The following KHK variants were observed in gnomAD, a reference collection of about 807,000 sequenced individuals.
The protein encoded by KHK is fructokinase.
In KHK, 37 loss-of-function variants were observed where a neutral mutation model predicts 36.0. The observed-to-expected ratio is 1.03, with a 90% CI of 0.79 to 1.35. KHK has a LOEUF of 1.35. KHK is among the 40% of genes most tolerant of loss of function. The pLI, the probability that KHK is intolerant of heterozygous loss-of-function variation, is 0.00. For missense variants in KHK, 395 were observed against 391.9 expected (o/e 1.01, Z -0.07); for synonymous variants, 161 against 162.8 (o/e 0.99, Z 0.08).
At chr2:27,092,626 C>T (rs1035102697) in intron 2 of KHK, among the ~76,000 whole-genome samples, 178 bp downstream of exon 2, 6 of 152,218 alleles carry the variant, frequency 3.9e-5, no homozygotes, top group South Asian at 2.1e-4. Flanking sequence ...GGCCTCTCTG[C>T]GGTTCGGGGG....
chr2:27,088,711 A>G (rs926088453), intron 1 of KHK, among the ~76,000 whole-genome samples: 5 of 152,110 alleles, frequency 3.3e-5, no homozygotes, highest in Admixed American at 2.0e-4. Context: ...GGCATGAGCC[A>G]CCACACCCGG....
At chr2:27,094,691 G>C (rs1046612039) in intron 2 of KHK, 109 bp from the exon 3 acceptor site, 73 of 1,613,190 alleles carry the variant, frequency 4.5e-5, no homozygotes, top group Non-Finnish European at 5.8e-5. Flanking sequence ...TTCTCTTAGA[G>C]GCTCGTGTGC....
At chr2:27,092,273 G>A in intron 1 of KHK, 59 bp from the exon 2 acceptor site, 1 of 1,298,046 alleles carries the variant, frequency 7.7e-7, no homozygotes, top group Non-Finnish European at 1.1e-6. Flanking sequence ...CCCCTATACA[G>A]GAGACTGTGC....
intron 1 of KHK, among the ~76,000 whole-genome samples, chr2:27,090,132 G>A (rs1294196464): frequency 1.3e-5 from 2 of 152,266 alleles, no homozygotes; most frequent in Non-Finnish European, 2.9e-5. Context: ...GATTACAGGC[G>A]TGAGCCACCG....
In KHK at chr2:27,099,416, G is replaced by T. The variant is rs374116984; in HGVS notation, c.654-4G>T. The T allele has an allele frequency of 1.3e-5, 21 of 1,613,692 alleles. No individual in the cohort carries two copies. The highest frequency in any genetic ancestry group is 1.6e-5 in the Non-Finnish European group (19 of 1,179,688). The stretch of plus-strand genomic sequence containing the variant: ...ACACCCAGCTGAGTGGAGCCGTCTT[G>T]CAGGGCTGTGCTTGTCTGTGCCTGG... On this transcript the variant is annotated splice_region_variant and splice_polypyrimidine_tract_variant and intron_variant, in intron 6 of 7. Transcript: ENST00000260598.
intron 4 of KHK, 152 bp downstream of exon 4, chr2:27,096,953 G>T: frequency 2.8e-6 from 2 of 702,906 alleles, no homozygotes; most frequent in South Asian, 1.5e-5. Flanking sequence ...ATGTCTTCAG[G>T]TGAGAAAACT....
rs77205818 is a variant in KHK at position 27,088,774 on chromosome 2, T to C, written c.92+1423T>C. Among the ~76,000 whole-genome samples the C allele has an allele frequency of 8.6e-4, 131 of 152,324 alleles. 1 individual carries two copies. The East Asian group carries it at 0.024, about 28-fold the overall frequency. ...TAAGGGCCCCACCATTACACTGTAA[T>C]GCTGTGAAGGCATTTCTGTGGGGCG... On this transcript the variant is annotated intron_variant, in intron 1 of 7. Coordinates refer to ENST00000260598, the MANE Select transcript of KHK (RefSeq NM_006488.3).
rs1269433074 is a variant in KHK at position 27,099,197 on chromosome 2, T to TG, written c.567dup (p.Phe190ValfsTer38). 1.2e-6 allele frequency: 2 copies of TG among 1,613,860 alleles called. No individual in the cohort carries two copies. Among genetic ancestry groups the TG allele is most frequent in the Non-Finnish European group, 1.7e-6 (2 of 1,179,968 alleles). On this transcript the variant is annotated frameshift_variant and splice_region_variant, in exon 6 of 8. Coordinates refer to ENST00000260598, the MANE Select transcript of KHK (RefSeq NM_006488.3). LOFTEE classifies it high-confidence loss of function. The stretch of plus-strand genomic sequence containing the variant: ...CAGCTTCTCTTCCACTGCCCACAGG[T>TG]GTTTGTCAGCAAAGATGTGGCCAAG...
rs1670474444 is a variant in KHK at position 27,097,801 on chromosome 2, G to C, written c.564+152G>C. 8.1e-6 allele frequency: 9 copies of C among 1,113,418 alleles called. No homozygotes were observed. The South Asian group carries it at 1.2e-4, about 14-fold the overall frequency. The allele number at this position is 1,113,418 out of a possible 1,614,324, so 69.0% of individuals were successfully genotyped here. A position where few individuals can be genotyped will look rare whatever the true frequency, so the allele number is the denominator to read the frequency against. On this transcript the variant is annotated intron_variant, in intron 5 of 7. Coordinates refer to ENST00000260598, the MANE Select transcript of KHK (RefSeq NM_006488.3). ...GGGGGATGGGGGTTAAAGCAAAGAA[G>C]TAGACCCCTAGCCTTGGGCTCCAGT...
intron 2 of KHK, 92 bp from the exon 3 acceptor site, chr2:27,094,708 A>T (rs191575888): frequency 8.9e-5 from 144 of 1,612,672 alleles, no homozygotes; most frequent in Admixed American, 3.3e-4. Flanking sequence ...GTGCTCCAGC[A>T]CCCTCTCCCC....
Position 27,099,537 on chromosome 2 carries a change from A to G in KHK, c.771A>G (p.Gly257=), listed in dbSNP as rs1474203726. The G allele has an allele frequency of 1.9e-6, 3 of 1,614,026 alleles. No individual in the cohort carries two copies. The African/African-American group carries it at 4.0e-5, about 22-fold the overall frequency. ...GCGTGGTGGATACACTGGGAGCTGG[A>G]GACACCTTCAATGCCTCCGTCATCT... ...PPRVVDTLGA[G]DTFNASVIFS... The change falls in exon 7 of 8, where the codon GGA becomes GGG. Residue 257 remains glycine (G), a synonymous_variant. Coordinates refer to ENST00000260598, the MANE Select transcript of KHK (RefSeq NM_006488.3).
At chr2:27,093,883 T>C (rs538924358) in intron 2 of KHK, among the ~76,000 whole-genome samples, 1 of 152,126 alleles carries the variant, frequency 6.6e-6, no homozygotes, top group Admixed American at 6.5e-5. Context: ...CCCAGGAGGG[T>C]TCACCTGGCT....
intron 5 of KHK, 37 bp downstream of exon 5, chr2:27,097,686 G>A: frequency 6.2e-7 from 1 of 1,613,708 alleles, no homozygotes. Context: ...GCCACTTCCA[G>A]CTAATTTGGT....
At chr2:27,092,786 C>A (rs1350494243) in intron 2 of KHK, among the ~76,000 whole-genome samples, 1 of 152,174 alleles carries the variant, frequency 6.6e-6, no homozygotes, top group Non-Finnish European at 1.5e-5. Context: ...CTTATCCTGG[C>A]CATGCTTGAG....
intron 2 of KHK, chr2:27,094,139 C>T (rs536837460): frequency 2.0e-4 from 78 of 399,876 alleles, no homozygotes; most frequent in African/African-American, 1.5e-3. Context: ...TTGGTTCAAA[C>T]AGTGTACAGG....
Position 27,087,129 on chromosome 2 carries a change from T to TGGAGGAGGAGCTCCCACGC in KHK, c.-119_-101dup. The TGGAGGAGGAGCTCCCACGC allele has an allele frequency of 1.4e-6, 1 of 735,618 alleles. No individual in the cohort carries two copies. The highest frequency in any genetic ancestry group is 2.7e-5 in the East Asian group (1 of 36,696). The allele number at this position is 735,618 out of a possible 1,614,324, so 45.6% of individuals were successfully genotyped here. ...CCCCTGGCCGCTGCAGGTGGCTCCCTGGAGGAGGAGCTCCCACGCGGAGGA... is the reference window on the plus strand; with the variant it reads ...CCCCTGGCCGCTGCAGGTGGCTCCCTGGAGGAGGAGCTCCCACGCGGAGGAGGAGCTCCCACGCGGAGGA... On this transcript the variant is annotated 5_prime_UTR_variant, in exon 1 of 8. Transcript: ENST00000260598.
rs763131018 is a variant in KHK at position 27,094,518 on chromosome 2, G to A, written c.210-282G>A. On this transcript the variant is annotated intron_variant, in intron 2 of 7. Transcript: ENST00000260598. ...CTCCGCCGCTATTCTGTGGACCTAC[G>A]CTACACAGTCTTTCAGACCACAGGC... 1.2e-5 allele frequency: 20 copies of A among 1,613,894 alleles called. No individual in the cohort carries two copies. The African/African-American group carries it at 1.9e-4, about 15-fold the overall frequency.
In KHK at chr2:27,100,213, C is replaced by A. The variant is rs1162546318; in HGVS notation, c.*463C>A. The A allele has an allele frequency of 7.3e-6, 3 of 409,662 alleles. No homozygotes were observed. The East Asian group carries it at 1.8e-4, about 24-fold the overall frequency. The allele number at this position is 409,662 out of a possible 1,614,324, so 25.4% of individuals were successfully genotyped here. ...AAGAAACCGTGAGAGCTCTTCGGGG[C>A]CCTGCGTTGTGCAGACTCTATTCCC... On this transcript the variant is annotated 3_prime_UTR_variant, in exon 8 of 8. Transcript: ENST00000260598.
chr2:27,097,491 G>A lies in KHK; in HGVS notation c.418-12G>A, dbSNP rs1670433256. 6.2e-7 allele frequency: 1 copy of A among 1,613,122 alleles called. No homozygotes were observed. Among genetic ancestry groups the A allele is most frequent in the African/African-American group, 1.3e-5 (1 of 74,926 alleles). ...GTGCCCAGCGGTCCTGAGCTGCCCT[G>A]TCCTGTACCAGGGCCGGAACGCATC... On this transcript the variant is annotated splice_polypyrimidine_tract_variant and intron_variant, in intron 4 of 7. Coordinates refer to ENST00000260598, the MANE Select transcript of KHK (RefSeq NM_006488.3).
Sources: allele counts gnomAD v4.1 joint callset (sites outside exome capture counted in the v4.1 genomes callset), GRCh38; gene constraint gnomAD v4.1.1; transcripts MANE v1.5; gene names NCBI Gene and HGNC (gene_info 2026-07-23, HGNC 2026-07-21).